ATE1: variants seen among roughly 807,000 people sequenced by gnomAD.
The protein encoded by ATE1 is arginyl-tRNA--protein transferase 1.
In ATE1, 36 loss-of-function variants were observed where a neutral mutation model predicts 70.5. The observed-to-expected ratio is 0.51, with a 90% confidence interval of 0.39 to 0.67. ATE1 has a LOEUF of 0.67. Ranked by LOEUF, ATE1 falls within the 30% of genes least tolerant of loss-of-function variation. The pLI, the probability that ATE1 is intolerant of heterozygous loss-of-function variation, is 0.00. For synonymous variants in ATE1, 232 were observed against 219.3 expected (o/e 1.06, Z -0.51); for missense variants, 593 against 629.5 (o/e 0.94, Z 0.62).
At chr10:121,815,726 GCA>G (rs1947514535) in intron 10 of ATE1, among the ~76,000 whole-genome samples, 1 of 152,162 alleles carries the variant, frequency 6.6e-6, no homozygotes, top group Non-Finnish European at 1.5e-5. Flanking sequence ...TTATTTGAAA[GCA>G]AGAGTCAGAC....
chr10:121,781,361 A>G (rs182557518), intron 11 of ATE1, among the ~76,000 whole-genome samples: 60 of 152,258 alleles, frequency 3.9e-4, no homozygotes, highest in African/African-American at 1.3e-3. Context: ...CCTGCTCTGT[A>G]TTTGTCACGT....
At chr10:121,873,886 A>T (rs1949945664) in intron 7 of ATE1, among the ~76,000 whole-genome samples, 1 of 151,376 alleles carries the variant, frequency 6.6e-6, no homozygotes, top group Non-Finnish European at 1.5e-5. Context: ...GATAAATAAC[A>T]TTTTTTTTTC....
At chr10:121,826,734 C>T (rs1315421791) in intron 10 of ATE1, among the ~76,000 whole-genome samples, 2 of 152,320 alleles carry the variant, frequency 1.3e-5, no homozygotes, top group Non-Finnish European at 2.9e-5. Flanking sequence ...GCGCACAGCA[C>T]CCAACAGGTA....
chr10:121,904,004 G>C (rs927801806), intron 5 of ATE1, among the ~76,000 whole-genome samples: 1 of 149,762 alleles, frequency 6.7e-6, no homozygotes, highest in African/African-American at 2.5e-5. Context: ...TTTTGAGACA[G>C]AGTCTCGCTC....
intron 8 of ATE1, among the ~76,000 whole-genome samples, chr10:121,842,875 T>C (rs1167010645): frequency 6.6e-6 from 1 of 152,068 alleles, no homozygotes; most frequent in African/African-American, 2.4e-5. Flanking sequence ...ATAATATATA[T>C]GCAAAAACCC....
chr10:121,855,642 T>C (rs1460852519), intron 8 of ATE1, among the ~76,000 whole-genome samples: 1 of 152,212 alleles, frequency 6.6e-6, no homozygotes, highest in Non-Finnish European at 1.5e-5. Flanking sequence ...AATTACATGT[T>C]ACAGCTCTTA....
chr10:121,881,954 C>T (rs114700720), intron 7 of ATE1, among the ~76,000 whole-genome samples: 2,102 of 152,048 alleles, frequency 0.014, 41 homozygotes, highest in African/African-American at 0.048. Context: ...TCGCCAAACC[C>T]GGCTAATTTC....
chr10:121,835,684 T>C (rs1451390389), intron 10 of ATE1, among the ~76,000 whole-genome samples: 1 of 152,200 alleles, frequency 6.6e-6, no homozygotes, highest in South Asian at 2.1e-4. Flanking sequence ...TATGATGAAA[T>C]TGTGATTACA....
At chr10:121,796,715 C>G (rs1035838258) in intron 10 of ATE1, among the ~76,000 whole-genome samples, 1 of 152,032 alleles carries the variant, frequency 6.6e-6, no homozygotes, top group African/African-American at 2.4e-5. Context: ...CTAGGAAATG[C>G]CAAAGTTAAA....
Position 121,878,484 on chromosome 10 carries a change from T to C in ATE1, c.943-8446A>G, listed in dbSNP as rs551628586. Among the ~76,000 whole-genome samples the C allele has an allele frequency of 8.6e-5, 13 of 151,720 alleles. 1 individual carries two copies. Among genetic ancestry groups the C allele is most frequent in the African/African-American group, 3.1e-4 (13 of 41,350 alleles). On this transcript the variant is annotated intron_variant, in intron 7 of 11. Coordinates refer to ENST00000224652, the MANE Select transcript of ATE1 (RefSeq NM_001001976.3). Reference sequence around the variant, plus strand: ...GGTGCACACCTATAATCCCAGCTTCTTGGGAGGCTGAAGTACGAGAATTGC... The same window carrying C: ...GGTGCACACCTATAATCCCAGCTTCCTGGGAGGCTGAAGTACGAGAATTGC...
At chr10:121,920,885 T>G (rs905484123) in intron 3 of ATE1, among the ~76,000 whole-genome samples, 1 of 151,736 alleles carries the variant, frequency 6.6e-6, no homozygotes, top group African/African-American at 2.4e-5. Flanking sequence ...TCCCAGCTAC[T>G]CGGGAGGCTG....
chr10:121,856,514 A>G (rs1949256384), intron 8 of ATE1, among the ~76,000 whole-genome samples: 3 of 152,214 alleles, frequency 2.0e-5, no homozygotes, highest in Non-Finnish European at 2.9e-5. Flanking sequence ...TGGGTGAAAG[A>G]GCCAGAATCT....
intron 11 of ATE1, among the ~76,000 whole-genome samples, chr10:121,745,278 T>C (rs1812489964): frequency 6.6e-6 from 1 of 152,190 alleles, no homozygotes; most frequent in South Asian, 2.1e-4. Flanking sequence ...CCTACAGCAG[T>C]GGTTCTCAAG....
chr10:121,844,390 G>C (rs1948740467), intron 8 of ATE1, among the ~76,000 whole-genome samples: 1 of 152,178 alleles, frequency 6.6e-6, no homozygotes, highest in Non-Finnish European at 1.5e-5. Context: ...TTAAAACAAT[G>C]AGATAATACC....
rs1360830618 is a variant in ATE1, at chr10:121,740,640, C to G, written c.*3040G>C. 6.6e-6 allele frequency: 1 copy of G among 152,174 alleles called. No homozygotes were observed. The highest frequency in any genetic ancestry group is 1.5e-5 in the Non-Finnish European group (1 of 68,030). 9.4% of individuals were successfully genotyped at this position (152,174 alleles called of 1,614,324 possible). A position where few individuals can be genotyped will look rare whatever the true frequency, so the allele number is the denominator to read the frequency against. On this transcript the variant is annotated 3_prime_UTR_variant, in exon 12 of 12. Coordinates refer to ENST00000224652, the MANE Select transcript of ATE1 (RefSeq NM_001001976.3). ...TTTTTCAAGTTAGCAACGACAGATA[C>G]ATTTTAGTTAACTGTTTCATATTCC...
At chr10:121,845,294 C>CA (rs1948774777) in intron 8 of ATE1, among the ~76,000 whole-genome samples, 1 of 152,116 alleles carries the variant, frequency 6.6e-6, no homozygotes, top group Admixed American at 6.5e-5. Context: ...AGATGAAGCA[C>CA]AGGGACTTTT....
intron 3 of ATE1, among the ~76,000 whole-genome samples, chr10:121,917,246 AC>A (rs1454741455): frequency 6.6e-6 from 1 of 152,222 alleles, no homozygotes; most frequent in African/African-American, 2.4e-5. Context: ...AGAAGGCTCC[AC>A]AAGGGACTTT....
chr10:121,781,836 G>T (rs1438538553), intron 11 of ATE1, among the ~76,000 whole-genome samples: 1 of 152,176 alleles, frequency 6.6e-6, no homozygotes, highest in Admixed American at 6.5e-5. Context: ...ACAGAAGCAT[G>T]AACAAGCCAT....
At chr10:121,854,788 G>A (rs1299996999) in intron 8 of ATE1, among the ~76,000 whole-genome samples, 2 of 152,138 alleles carry the variant, frequency 1.3e-5, no homozygotes, top group Non-Finnish European at 2.9e-5. Flanking sequence ...GAGCAGCCTG[G>A]CGAAAACTCG....
Sources: allele counts gnomAD v4.1 joint callset (sites outside exome capture counted in the v4.1 genomes callset), GRCh38; gene constraint gnomAD v4.1.1; transcripts MANE v1.5; gene names NCBI Gene and HGNC (gene_info 2026-07-23, HGNC 2026-07-21).